SNX25: variants seen among roughly 807,000 people sequenced by gnomAD.
SNX25 encodes the protein sorting nexin-25.
A neutral mutation model predicts 113.7 loss-of-function variants in SNX25; 62 were observed. The ratio of observed to expected loss-of-function variants is 0.55; its 90% CI spans 0.44 to 0.67. The LOEUF is 0.67. Ranked by LOEUF, SNX25 falls within the 30% of genes least tolerant of loss-of-function variation. The probability of loss-of-function intolerance (pLI) is 0.00; values close to 1 mark genes in which losing one functional copy is unlikely to be tolerated. For synonymous variants in SNX25, 421 were observed against 436.2 expected (o/e 0.97, Z 0.43); for missense variants, 1,014 against 1,161.0 (o/e 0.87, Z 1.84).
At chr4:185,345,755 C>T (rs1235535425) in intron 12 of SNX25, among the ~76,000 whole-genome samples, 1 of 151,872 alleles carries the variant, frequency 6.6e-6, no homozygotes, top group East Asian at 1.9e-4. Flanking sequence ...CACGCCACTG[C>T]ACTCAGCCTG....
chr4:185,206,607 C>T (rs1386469555), upstream of SNX25, among the ~76,000 whole-genome samples: 5 of 131,932 alleles, frequency 3.8e-5, no homozygotes, highest in African/African-American at 8.5e-5. Flanking sequence ...TGCAGTGAGC[C>T]GAGATTGCGC....
chr4:185,372,059 G>A (rs527605237), downstream of SNX25, among the ~76,000 whole-genome samples: 85 of 152,190 alleles, frequency 5.6e-4, no homozygotes, highest in African/African-American at 2.0e-3. Context: ...GAGAAAAGAC[G>A]TCTTTTATAT....
In SNX25 at chr4:185,320,758, C is replaced by T; in HGVS notation, c.1370C>T (p.Ala457Val). 6.4e-7 allele frequency: 1 copy of T among 1,567,556 alleles called. No homozygotes were observed. Among genetic ancestry groups the T allele is most frequent in the Non-Finnish European group, 8.6e-7 (1 of 1,160,292 alleles). Residue 457 changes from alanine to valine, a missense_variant, in exon 8 of 19, where the codon GCC becomes GTC. Coordinates refer to ENST00000652585, the MANE Select transcript of SNX25 (RefSeq NM_001378034.2). ...QKILQFEDIL[A>V]NTFYREHFGM... ...ATTCTTCAGTTTGAAGATATCTTGG[C>T]CAATACGTTCTACCGAGAGCACTTT...
chr4:185,334,717 C>T lies in SNX25; in HGVS notation c.1914+1958C>T, dbSNP rs570520092. Among the ~76,000 whole-genome samples the T allele has an allele frequency of 1.8e-4, 28 of 152,298 alleles. No individual in the cohort carries two copies. Among genetic ancestry groups the T allele is most frequent in the African/African-American group, 6.0e-4 (25 of 41,558 alleles). Reference sequence around the variant, plus strand: ...GGTTTGTTTGAAAGACATTATTCAGCCTTTCTTAAAATAACTTCTGATAAC... The same window carrying T: ...GGTTTGTTTGAAAGACATTATTCAGTCTTTCTTAAAATAACTTCTGATAAC... On this transcript the variant is annotated intron_variant, in intron 10 of 18. Coordinates refer to ENST00000652585, the MANE Select transcript of SNX25 (RefSeq NM_001378034.2). The surrounding 1 kb of genome is among the most constrained non-coding windows in gnomAD (Gnocchi z 4.2).
At chr4:185,314,120 C>G (rs2095051477) in intron 7 of SNX25, among the ~76,000 whole-genome samples, 1 of 151,922 alleles carries the variant, frequency 6.6e-6, no homozygotes, top group African/African-American at 2.4e-5. Flanking sequence ...TCATGTTGCT[C>G]AAGGGTCAAC....
downstream of SNX25, among the ~76,000 whole-genome samples, chr4:185,375,185 C>G (rs1367028895): frequency 6.6e-6 from 1 of 150,908 alleles, no homozygotes. Flanking sequence ...ATGATCTTGG[C>G]TCACTGCAGC....
chr4:185,320,703 A>T (rs746495639), intron 7 of SNX25, 30 bp from the exon 8 acceptor site: 9 of 1,404,090 alleles, frequency 6.4e-6, no homozygotes, highest in African/African-American at 1.5e-5. Flanking sequence ...ATTCGATTTT[A>T]AAAAAAGTTT....
At position 185,323,608 on chromosome 4, in the gene SNX25, T is replaced by C. The variant is rs35748792; in HGVS notation, c.1557T>C (p.Leu519=). 9.2e-5 allele frequency: 149 copies of C among 1,613,478 alleles called. No homozygotes were observed. The African/African-American group carries it at 1.7e-3, about 18-fold the overall frequency. Residue 519 remains leucine, a synonymous_variant, in exon 9 of 19, where the codon CTT becomes CTC. Coordinates refer to ENST00000652585, the MANE Select transcript of SNX25 (RefSeq NM_001378034.2). ...ESKEISVEKS[L]YKEIQQCLVG... is the part of the protein sequence containing the mutation. ...AAGAAATATCTGTGGAAAAATCACT[T>C]TACAAAGAAATTCAGCAGTGTCTTG...
intron 6 of SNX25, among the ~76,000 whole-genome samples, chr4:185,306,467 G>T (rs1189229835): frequency 6.6e-6 from 1 of 152,220 alleles, no homozygotes; most frequent in East Asian, 1.9e-4. Flanking sequence ...TTAGGGAAGG[G>T]TTATTCTCTT....
intron 2 of SNX25, among the ~76,000 whole-genome samples, chr4:185,253,502 CTG>C (rs1304475583): frequency 2.0e-5 from 3 of 148,872 alleles, no homozygotes; most frequent in Non-Finnish European, 4.4e-5. Flanking sequence ...GAGTCTTACT[CTG>C]TTGCCCAGGC....
chr4:185,312,740 T>C (rs1456381437), intron 7 of SNX25, among the ~76,000 whole-genome samples: 1 of 152,192 alleles, frequency 6.6e-6, no homozygotes, highest in African/African-American at 2.4e-5. Context: ...TTAGGCAGGA[T>C]GGTCTCGATA....
chr4:185,224,761 C>A (rs140230262), intron 1 of SNX25, among the ~76,000 whole-genome samples: 7 of 150,982 alleles, frequency 4.6e-5, no homozygotes, highest in Non-Finnish European at 8.8e-5. Context: ...CCTGTGTTAT[C>A]CCATCTTTGG....
At chr4:185,348,759 T>C (rs1036653314) in intron 13 of SNX25, among the ~76,000 whole-genome samples, 3 of 152,186 alleles carry the variant, frequency 2.0e-5, no homozygotes, top group Non-Finnish European at 4.4e-5. Flanking sequence ...CTTTTTGATA[T>C]ATAATACTTT....
At chr4:185,350,707 C>T (rs959280662) in intron 13 of SNX25, among the ~76,000 whole-genome samples, 25 of 152,018 alleles carry the variant, frequency 1.6e-4, no homozygotes, top group African/African-American at 5.1e-4. Flanking sequence ...CCAAAAAATG[C>T]GAAAATTAGC....
chr4:185,210,729 C>A lies in SNX25; in HGVS notation c.429+474C>A, dbSNP rs1421659986. ...CTTCGGTCCCTGGCCCAGCGCCTCACCCCCAAGCCCGCGTACCCTTCCCAC... is the reference window on the plus strand; with the variant it reads ...CTTCGGTCCCTGGCCCAGCGCCTCAACCCCAAGCCCGCGTACCCTTCCCAC... On this transcript the variant is annotated intron_variant, in intron 1 of 18. Transcript: ENST00000652585. The surrounding 1 kb of genome is among the most constrained non-coding windows in gnomAD (Gnocchi z 4.4). Among the ~76,000 whole-genome samples the A allele has an allele frequency of 2.0e-5, 3 of 152,012 alleles. No individual in the cohort carries two copies. The highest frequency in any genetic ancestry group is 4.4e-5 in the Non-Finnish European group (3 of 68,002).
chr4:185,303,526 G>T (rs928337099), intron 6 of SNX25, among the ~76,000 whole-genome samples: 1 of 152,040 alleles, frequency 6.6e-6, no homozygotes, highest in Non-Finnish European at 1.5e-5. Context: ...GGGCGTGGTG[G>T]TGGGCACCTG....
chr4:185,358,336 C>T (rs1467924134), intron 16 of SNX25, among the ~76,000 whole-genome samples: 1 of 152,008 alleles, frequency 6.6e-6, no homozygotes, highest in African/African-American at 2.4e-5. Context: ...TATATGTATC[C>T]CAGTCTTTCA....
intron 6 of SNX25, among the ~76,000 whole-genome samples, chr4:185,298,438 G>A (rs1328996621): frequency 6.6e-6 from 1 of 151,770 alleles, no homozygotes; most frequent in Non-Finnish European, 1.5e-5. Flanking sequence ...TTCTGTCTAT[G>A]AAAAAATAAT....
chr4:185,229,849 A>C (rs1741565131), intron 1 of SNX25, among the ~76,000 whole-genome samples: 1 of 152,120 alleles, frequency 6.6e-6, no homozygotes, highest in Admixed American at 6.6e-5. Context: ...TTATTTAGAG[A>C]CAGGGTCTCA....
Sources: allele counts gnomAD v4.1 joint callset (sites outside exome capture counted in the v4.1 genomes callset), GRCh38; gene constraint gnomAD v4.1.1; non-coding constraint Gnocchi (gnomAD v3.1); transcripts MANE v1.5; gene names NCBI Gene and HGNC (gene_info 2026-07-23, HGNC 2026-07-21).